ARID5B: variants seen among roughly 807,000 people sequenced by gnomAD.
ARID5B encodes AT-rich interactive domain-containing protein 5B.
In ARID5B, 13 loss-of-function variants were observed where a neutral mutation model predicts 97.2. The observed-to-expected ratio is 0.13, with a 90% CI of 0.09 to 0.21. ARID5B has a LOEUF of 0.21. Ranked by LOEUF, ARID5B falls within the 10% of genes least tolerant of loss-of-function variation. The probability of loss-of-function intolerance (pLI) is 1.00; values close to 1 mark genes in which losing one functional copy is unlikely to be tolerated. For synonymous variants in ARID5B, 556 were observed against 570.3 expected (o/e 0.97, Z 0.36); for missense variants, 1,210 against 1,465.3 (o/e 0.83, Z 2.84).
chr10:62,092,166 G>GGATGATCAGCCTACA lies in ARID5B; in HGVS notation c.2707_2721dup (p.Asp903_Asp907dup). 6.2e-7 allele frequency: 1 copy of GGATGATCAGCCTACA among 1,609,090 alleles called. No individual in the cohort carries two copies. The highest frequency in any genetic ancestry group is 1.1e-5 in the South Asian group (1 of 90,228). On this transcript the variant is annotated inframe_insertion, in exon 10 of 10. Transcript: ENST00000279873. The stretch of plus-strand genomic sequence containing the variant: ...AGTCGGCGGCAGCAGAAGCCCCTAC[G>GGATGATCAGCCTACA]GATGATCAGCCTACAGATCTGAGCC...
chr10:62,046,057 G>T (rs2132924665), intron 4 of ARID5B, among the ~76,000 whole-genome samples: 1 of 152,238 alleles, frequency 6.6e-6, no homozygotes, highest in East Asian at 1.9e-4. Flanking sequence ...AGCTCACAAA[G>T]AATTTCTCGA....
intron 4 of ARID5B, among the ~76,000 whole-genome samples, chr10:62,038,101 T>G (rs1839588345): frequency 6.6e-6 from 1 of 152,230 alleles, no homozygotes; most frequent in Non-Finnish European, 1.5e-5. Context: ...AGCTTTCTCT[T>G]AAGCTCTTCA....
At chr10:62,049,525 T>C (rs764839410) in intron 4 of ARID5B, 1 of 1,550,300 alleles carries the variant, frequency 6.5e-7, no homozygotes, top group South Asian at 1.2e-5. Flanking sequence ...GTTTGTGAGC[T>C]TGTTTACCTT....
chr10:62,067,000 T>G (rs1243023684), intron 7 of ARID5B, among the ~76,000 whole-genome samples: 2 of 152,180 alleles, frequency 1.3e-5, no homozygotes, highest in African/African-American at 4.8e-5. Flanking sequence ...GTCCAATAAA[T>G]TTTTGGTGAA....
At chr10:62,037,583 G>A (rs1352240397) in intron 4 of ARID5B, among the ~76,000 whole-genome samples, 3 of 152,174 alleles carry the variant, frequency 2.0e-5, no homozygotes, top group Non-Finnish European at 4.4e-5. Flanking sequence ...AAAGCCCTTT[G>A]AGAACGCACC....
intron 4 of ARID5B, among the ~76,000 whole-genome samples, chr10:62,011,162 C>T (rs1357080700): frequency 1.7e-4 from 26 of 152,132 alleles, no homozygotes; most frequent in Admixed American, 1.7e-3. Context: ...TCATAACACA[C>T]AGGATTCAGC....
At chr10:62,049,296 C>T in intron 4 of ARID5B, 1 of 1,470,584 alleles carries the variant, frequency 6.8e-7, no homozygotes, top group Non-Finnish European at 9.0e-7. Context: ...TGTGTGTTTA[C>T]ATGAGTAATG....
chr10:61,903,946 G>A (rs1446829950), intron 2 of ARID5B, among the ~76,000 whole-genome samples: 2 of 134,898 alleles, frequency 1.5e-5, no homozygotes, highest in East Asian at 4.7e-4. Context: ...ATTTCCCGAC[G>A]TCCGCCTGCA....
At chr10:62,048,746 G>A (rs1379781668) in intron 4 of ARID5B, among the ~76,000 whole-genome samples, 1 of 152,208 alleles carries the variant, frequency 6.6e-6, no homozygotes. Context: ...CATGTTCGAT[G>A]CAAGTTCTGT....
At chr10:61,965,079 G>A (rs541800674) in intron 3 of ARID5B, among the ~76,000 whole-genome samples, 1 of 152,270 alleles carries the variant, frequency 6.6e-6, no homozygotes, top group South Asian at 2.1e-4. Flanking sequence ...GTCTTAGGGG[G>A]ATACTAATGG....
In ARID5B at chr10:62,092,312, G is replaced by A. The variant is rs758401961; in HGVS notation, c.2849G>A (p.Cys950Tyr). The A allele has an allele frequency of 5.6e-6, 9 of 1,610,828 alleles. No individual in the cohort carries two copies. Among genetic ancestry groups the A allele is most frequent in the African/African-American group, 1.3e-5 (1 of 74,790 alleles). The change falls in exon 10 of 10, where the codon TGT (cysteine) becomes TAT (tyrosine). Residue 950 changes from cysteine (C) to tyrosine (Y), a missense_variant. Physicochemically the swap from Cys to Tyr is radical, Grantham distance 194. Coordinates refer to ENST00000279873, the MANE Select transcript of ARID5B (RefSeq NM_032199.3). ...GTCTTAGGCAGCCAGAGTCGAGACT[G>A]TCACCCCAAAGCCTGTCGGGTATCA... ...FQVLGSQSRD[C>Y]HPKACRVSPM...
rs1839068610 is a variant in ARID5B, at chr10:62,000,832, GATA to G, written c.733+512_733+514del. On this transcript the variant is annotated intron_variant, in intron 4 of 9. Coordinates refer to ENST00000279873, the MANE Select transcript of ARID5B (RefSeq NM_032199.3). This position sits in a 1 kb window ranked among gnomAD's most constrained non-coding sequence, Gnocchi z 4.4. ...ACAGTAGATAGACACGTAGAGAGAT[GATA>G]GATAGATAGATAGATAGATAGATAG... Among the ~76,000 whole-genome samples, 1 of 21,500 alleles carries G rather than the reference GATA, an allele frequency of 4.7e-5. No homozygotes were observed. Among genetic ancestry groups the G allele is most frequent in the East Asian group, 9.8e-4 (1 of 1,018 alleles). 14.1% of individuals were successfully genotyped at this position (21,500 alleles called of 152,430 possible). A position where few individuals can be genotyped will look rare whatever the true frequency, so the allele number is the denominator to read the frequency against.
chr10:61,925,929 T>A (rs534939094), intron 2 of ARID5B, among the ~76,000 whole-genome samples: 2 of 152,326 alleles, frequency 1.3e-5, no homozygotes, highest in Non-Finnish European at 2.9e-5. Context: ...CCTCCTCTTG[T>A]GCCCGGATGG....
At chr10:61,911,597 C>T (rs1843805238) in intron 2 of ARID5B, among the ~76,000 whole-genome samples, 1 of 152,094 alleles carries the variant, frequency 6.6e-6, no homozygotes, top group Non-Finnish European at 1.5e-5. Flanking sequence ...GCTTCCAGTC[C>T]TGGAGTAGTC....
At chr10:62,068,117 T>C (rs1188853190) in intron 7 of ARID5B, among the ~76,000 whole-genome samples, 4 of 152,172 alleles carry the variant, frequency 2.6e-5, no homozygotes, top group Non-Finnish European at 5.9e-5. Context: ...TAGCCCAAGA[T>C]TATATCATTT....
Position 61,993,190 on chromosome 10 carries a change from A to T in ARID5B, c.503-6901A>T, listed in dbSNP as rs192641958. 3.4e-3 allele frequency among the ~76,000 whole-genome samples: 518 copies of T among 152,090 alleles called. 1 individual carries two copies. The highest frequency in any genetic ancestry group is 0.01 in the South Asian group (50 of 4,812). ...TCTTCCCTGACTCCAACTCTTCAAC[A>T]TCAGTTTAACTGCAAATGTGTTTTC... On this transcript the variant is annotated intron_variant, in intron 3 of 9. Transcript: ENST00000279873.
rs1255716370 is a variant in ARID5B at position 62,093,022 on chromosome 10, A to G, written c.3559A>G (p.Lys1187Glu). 6.2e-7 allele frequency: 1 copy of G among 1,606,614 alleles called. No individual in the cohort carries two copies. Among genetic ancestry groups the G allele is most frequent in the East Asian group, 2.2e-5 (1 of 44,880 alleles). The change falls in exon 10 of 10, where the codon AAA becomes GAA. Residue 1187 changes from lysine to glutamate, a missense_variant. Coordinates refer to ENST00000279873, the MANE Select transcript of ARID5B (RefSeq NM_032199.3). Reference sequence around the variant, plus strand: ...GCTGTCATCCGTGCACCCCAGTACAAAACTGTAGGCTCAGCTCTGCCCAGC... The same window carrying G: ...GCTGTCATCCGTGCACCCCAGTACAGAACTGTAGGCTCAGCTCTGCCCAGC... ...SQLSSVHPST[K>E]L
chr10:62,055,762 A>G (rs949991200), intron 5 of ARID5B, among the ~76,000 whole-genome samples: 1 of 152,214 alleles, frequency 6.6e-6, no homozygotes, highest in Non-Finnish European at 1.5e-5. Flanking sequence ...GTCGAAAGAT[A>G]TTAAACTGTA....
chr10:62,017,384 G>A (rs958094100), intron 4 of ARID5B, among the ~76,000 whole-genome samples: 3 of 151,874 alleles, frequency 2.0e-5, no homozygotes, highest in African/African-American at 4.8e-5. Context: ...TCTGGGCATC[G>A]GAGACTGCAG....
Sources: gnomAD v4.1 joint callset for allele counts (sites outside exome capture counted in the v4.1 genomes callset) on GRCh38, gnomAD v4.1.1 for gene constraint, Gnocchi (gnomAD v3.1) non-coding constraint, MANE v1.5 for transcripts, NCBI Gene and HGNC (gene_info 2026-07-23, HGNC 2026-07-21) for gene names.